Variants in DOCK3 observed in about 807,000 individuals in gnomAD.
DOCK3 encodes the protein dedicator of cytokinesis 3.
In DOCK3, 60 loss-of-function variants were observed where a neutral mutation model predicts 265.6. The ratio of observed to expected loss-of-function variants is 0.23; its 90% CI spans 0.18 to 0.28. The LOEUF is 0.28. DOCK3 is among the 10% of genes least tolerant of loss of function. The pLI is 1.00. For synonymous variants in DOCK3, 881 were observed against 938.0 expected (o/e 0.94, Z 1.11); for missense variants, 1,981 against 2,594.3 (o/e 0.76, Z 5.14).
chr3:51,090,406 G>C (rs199961397), intron 9 of DOCK3, 22 bp downstream of exon 9: 5 of 1,592,622 alleles, frequency 3.1e-6, no homozygotes, highest in Non-Finnish European at 3.4e-6. Context: ...TGGAAATTCT[G>C]GTGAGGTTCT....
intron 3 of DOCK3, among the ~76,000 whole-genome samples, chr3:50,888,835 T>C (rs1051719330): frequency 2.0e-5 from 3 of 151,972 alleles, no homozygotes; most frequent in Admixed American, 6.6e-5. Flanking sequence ...TGGATCCCTT[T>C]CTTACACCTT....
At chr3:51,265,205 A>G (rs1159492699) in intron 23 of DOCK3, among the ~76,000 whole-genome samples, 1 of 152,208 alleles carries the variant, frequency 6.6e-6, no homozygotes, top group Admixed American at 6.5e-5. Flanking sequence ...TTGAGGTAGA[A>G]ATTAGCAGCG....
chr3:50,935,062 T>G lies in DOCK3; in HGVS notation c.315+985T>G, dbSNP rs190074899. On this transcript the variant is annotated intron_variant, in intron 5 of 52. Transcript: ENST00000266037. Reference sequence around the variant, plus strand: ...TCTCTTTTTTTCTCCTTTCTGTACCTTCATATATCCTGACCTGGTCTCTAG... The same window carrying G: ...TCTCTTTTTTTCTCCTTTCTGTACCGTCATATATCCTGACCTGGTCTCTAG... Among the ~76,000 whole-genome samples, 3 of 152,320 alleles carry G rather than the reference T, an allele frequency of 2.0e-5. No homozygotes were observed. The East Asian group carries it at 5.8e-4, about 29-fold the overall frequency.
At position 51,220,747 on chromosome 3, in the gene DOCK3, C is replaced by G. The variant is rs1382512517; in HGVS notation, c.1253-4902C>G. ...TATATATATATAAAATACTTGAACC[C>G]AGAGCCTCCTAATATGAAGTGTGAG... On this transcript the variant is annotated intron_variant, in intron 14 of 52. Transcript: ENST00000266037. Among the ~76,000 whole-genome samples the G allele has an allele frequency of 2.1e-5, 3 of 145,394 alleles. No homozygotes were observed. In the Admixed American group the frequency reaches 2.1e-4, roughly 10 times the overall value.
chr3:50,695,447 C>A (rs1055933683), intron 1 of DOCK3, among the ~76,000 whole-genome samples: 1 of 152,154 alleles, frequency 6.6e-6, no homozygotes, highest in Non-Finnish European at 1.5e-5. Context: ...ATTTTATACC[C>A]CCTCCAATAT....
chr3:50,863,006 A>G (rs2046983976), intron 3 of DOCK3, among the ~76,000 whole-genome samples: 3 of 152,188 alleles, frequency 2.0e-5, no homozygotes. Flanking sequence ...CTCCACAGCC[A>G]TTTCCGGGTG....
At chr3:51,197,118 T>C (rs1255620499) in intron 12 of DOCK3, among the ~76,000 whole-genome samples, 1 of 152,236 alleles carries the variant, frequency 6.6e-6, no homozygotes, top group Admixed American at 6.5e-5. Context: ...ATGATTTCTT[T>C]GGCTGTAAAC....
intron 32 of DOCK3, among the ~76,000 whole-genome samples, chr3:51,315,629 AC>A (rs1398857831): frequency 6.6e-6 from 1 of 152,122 alleles, no homozygotes; most frequent in Non-Finnish European, 1.5e-5. Flanking sequence ...TTCTTTTGCC[AC>A]CACTAAGTGT....
At chr3:51,174,869 G>A (rs1217245744) in intron 12 of DOCK3, among the ~76,000 whole-genome samples, 2 of 152,228 alleles carry the variant, frequency 1.3e-5, no homozygotes, top group Non-Finnish European at 2.9e-5. Context: ...GGAGTCTGAA[G>A]TTGGTGGGCC....
At chr3:51,095,411 G>C (rs1003330423) in intron 9 of DOCK3, among the ~76,000 whole-genome samples, 1 of 151,968 alleles carries the variant, frequency 6.6e-6, no homozygotes, top group Admixed American at 6.6e-5. Context: ...TTTCTCTTTT[G>C]CTTATGAAGC....
intron 21 of DOCK3, among the ~76,000 whole-genome samples, chr3:51,240,228 A>T (rs145616381): frequency 6.6e-6 from 1 of 152,180 alleles, no homozygotes; most frequent in Non-Finnish European, 1.5e-5. Context: ...GGAGCAAGTT[A>T]TTGCATTTCC....
At chr3:51,090,801 G>T (rs1456386900) in intron 9 of DOCK3, among the ~76,000 whole-genome samples, 1 of 152,182 alleles carries the variant, frequency 6.6e-6, no homozygotes, top group African/African-American at 2.4e-5. Context: ...GGGGCTGATG[G>T]TGTCTTGTCT....
intron 27 of DOCK3, among the ~76,000 whole-genome samples, chr3:51,297,628 A>G (rs2082160766): frequency 6.6e-6 from 1 of 152,148 alleles, no homozygotes; most frequent in African/African-American, 2.4e-5. Flanking sequence ...TCTACAAGAT[A>G]GCACTTCACA....
rs145764978 is a variant in DOCK3 at position 51,050,456 on chromosome 3, A to T, written c.316-13992A>T. ...TACATGAGATTTATAGAATTGTAGCACATTGGGGTTCTCCAAAGAAACAGA... is the reference window on the plus strand; with the variant it reads ...TACATGAGATTTATAGAATTGTAGCTCATTGGGGTTCTCCAAAGAAACAGA... On this transcript the variant is annotated intron_variant, in intron 5 of 52. Transcript: ENST00000266037. 1.8e-4 allele frequency among the ~76,000 whole-genome samples: 27 copies of T among 152,308 alleles called. No homozygotes were observed. In the East Asian group the frequency reaches 2.7e-3, roughly 15 times the overall value.
At chr3:50,763,714 G>A (rs1257090441) in intron 1 of DOCK3, among the ~76,000 whole-genome samples, 3 of 151,876 alleles carry the variant, frequency 2.0e-5, no homozygotes, top group Non-Finnish European at 4.4e-5. Context: ...TTTTTTTAAC[G>A]TTGGTAGTAA....
At chr3:51,251,940 T>C (rs1260921066) in intron 22 of DOCK3, among the ~76,000 whole-genome samples, 1 of 152,172 alleles carries the variant, frequency 6.6e-6, no homozygotes, top group Non-Finnish European at 1.5e-5. Context: ...CTTGCCCATG[T>C]CTATGTCCTG....
At chr3:50,685,648 CA>C in intron 1 of DOCK3, 4 of 187,420 alleles carry the variant, frequency 2.1e-5, no homozygotes, top group Non-Finnish European at 2.4e-5. Flanking sequence ...CACTCTGACA[CA>C]AAAACCCTGG....
At chr3:50,734,590 CT>C (rs1210899088) in intron 1 of DOCK3, among the ~76,000 whole-genome samples, 1 of 139,602 alleles carries the variant, frequency 7.2e-6, no homozygotes, top group Non-Finnish European at 1.5e-5. Flanking sequence ...TATATTCTTG[CT>C]TTTACAGTGA....
intron 9 of DOCK3, among the ~76,000 whole-genome samples, chr3:51,115,993 A>G (rs898829781): frequency 6.6e-6 from 1 of 151,968 alleles, no homozygotes; most frequent in African/African-American, 2.4e-5. Context: ...CTTCTGTTCC[A>G]TTGGTCTATA....
Sources: gnomAD v4.1 joint callset for allele counts (sites outside exome capture counted in the v4.1 genomes callset) on GRCh38, gnomAD v4.1.1 for gene constraint, MANE v1.5 for transcripts, NCBI Gene and HGNC (gene_info 2026-07-23, HGNC 2026-07-21) for gene names.